The following ADAMTS12 variants were observed in gnomAD, a reference collection of about 807,000 sequenced individuals.
ADAMTS12 encodes the protein ADAM metallopeptidase with thrombospondin type 1 motif 12.
A neutral mutation model predicts 167.8 loss-of-function variants in ADAMTS12; 118 were observed. That is an observed-to-expected ratio of 0.70 (90% confidence interval 0.61 to 0.82). ADAMTS12 has a LOEUF of 0.82. Ranked by LOEUF, ADAMTS12 falls within the 40% of genes least tolerant of loss-of-function variation. ADAMTS12 has a pLI of 0.00. For synonymous variants in ADAMTS12, 704 were observed against 716.9 expected, an observed-to-expected ratio of 0.98 and a Z score of 0.29; for missense variants, 1,916 against 1,998.8, an observed-to-expected ratio of 0.96 and a Z score of 0.79.
At chr5:33,851,092 A>C (rs1749204922) in intron 2 of ADAMTS12, among the ~76,000 whole-genome samples, 1 of 152,214 alleles carries the variant, frequency 6.6e-6, no homozygotes, top group Admixed American at 6.5e-5. Flanking sequence ...TCTTAAGCCT[A>C]AATCACAGTG....
chr5:33,876,056 T>A (rs556392646), intron 2 of ADAMTS12, among the ~76,000 whole-genome samples: 38 of 152,222 alleles, frequency 2.5e-4, no homozygotes, highest in African/African-American at 7.7e-4. Context: ...ATATAAGGAC[T>A]TAGAAAATGA....
intron 2 of ADAMTS12, among the ~76,000 whole-genome samples, chr5:33,779,957 A>G (rs1253493332): frequency 2.6e-5 from 4 of 152,228 alleles, no homozygotes; most frequent in Non-Finnish European, 4.4e-5. Context: ...TGTGCATTTG[A>G]AATTTGCTAC....
rs1015020550 is a variant in ADAMTS12 at position 33,629,195 on chromosome 5, C to A, written c.2022+1585G>T. ...TGAAATTATCTTTTAGATCTAAATA[C>A]CTTTGCATTGAGAGAAATAGCATCT... On this transcript the variant is annotated intron_variant, in intron 13 of 23. Coordinates refer to ENST00000504830, the MANE Select transcript of ADAMTS12 (RefSeq NM_030955.4). Among the ~76,000 whole-genome samples, 7 of 152,040 alleles carry A rather than the reference C, an allele frequency of 4.6e-5. No individual in the cohort carries two copies. The South Asian group carries it at 1.0e-3, about 23-fold the overall frequency.
At chr5:33,791,792 G>C (rs1334763899) in intron 2 of ADAMTS12, among the ~76,000 whole-genome samples, 2 of 149,980 alleles carry the variant, frequency 1.3e-5, no homozygotes, top group Non-Finnish European at 3.0e-5. Context: ...TTGGCCTTAG[G>C]ATAGCGAAGT....
At chr5:33,659,778 A>G (rs1263023955) in intron 6 of ADAMTS12, among the ~76,000 whole-genome samples, 1 of 152,196 alleles carries the variant, frequency 6.6e-6, no homozygotes, top group Non-Finnish European at 1.5e-5. Context: ...CATCTACTGA[A>G]TGCTGTTCTG....
chr5:33,561,209 G>A (rs765100934), intron 19 of ADAMTS12, 30 bp from the exon 20 acceptor site: 95 of 1,607,304 alleles, frequency 5.9e-5, no homozygotes, highest in Non-Finnish European at 7.9e-5. Context: ...AGATGACAGA[G>A]GCTGAGTGTC....
At chr5:33,558,752 T>A (rs1432868485) in intron 20 of ADAMTS12, among the ~76,000 whole-genome samples, 1 of 152,216 alleles carries the variant, frequency 6.6e-6, no homozygotes, top group Non-Finnish European at 1.5e-5. Context: ...AAGTGGAACT[T>A]TAGGACTTGG....
intron 7 of ADAMTS12, among the ~76,000 whole-genome samples, chr5:33,655,838 T>TA (rs1336122640): frequency 6.6e-6 from 1 of 151,858 alleles, no homozygotes; most frequent in African/African-American, 2.4e-5. Context: ...CCCCAGTGTG[T>TA]GATGTTCCCC....
chr5:33,727,565 A>C (rs760127599), intron 3 of ADAMTS12, among the ~76,000 whole-genome samples: 3 of 152,214 alleles, frequency 2.0e-5, no homozygotes, highest in Non-Finnish European at 4.4e-5. Flanking sequence ...ATATTAACTC[A>C]GTTTAATTCA....
At chr5:33,771,275 TA>T (rs754489834) in intron 2 of ADAMTS12, among the ~76,000 whole-genome samples, 1 of 152,148 alleles carries the variant, frequency 6.6e-6, no homozygotes, top group Non-Finnish European at 1.5e-5. Context: ...TAGCTTAAAG[TA>T]AAAAAGGAAT....
chr5:33,773,974 CAAAAGG>C (rs1745829717), intron 2 of ADAMTS12, among the ~76,000 whole-genome samples: 2 of 152,298 alleles, frequency 1.3e-5, no homozygotes, highest in Admixed American at 6.5e-5. Context: ...GCCTCACCTA[CAAAAGG>C]TGGCACCTCC....
intron 2 of ADAMTS12, among the ~76,000 whole-genome samples, chr5:33,835,190 G>A (rs1579977014): frequency 6.6e-6 from 1 of 152,094 alleles, no homozygotes; most frequent in African/African-American, 2.4e-5. Context: ...GGTACCCAGA[G>A]CCCCAGTTCA....
rs571194340 is a variant in ADAMTS12 at position 33,708,887 on chromosome 5, T to C, written c.635-24832A>G. On this transcript the variant is annotated intron_variant, in intron 3 of 23. Coordinates refer to ENST00000504830, the MANE Select transcript of ADAMTS12 (RefSeq NM_030955.4). ...GTGCAGCAAACCACCATGGCACATG[T>C]ATACCTATATAACAAACCTGCACGT... 3.5e-4 allele frequency among the ~76,000 whole-genome samples: 53 copies of C among 152,084 alleles called. 1 individual carries two copies. In the South Asian group the frequency reaches 9.2e-3, roughly 26 times the overall value.
At chr5:33,865,520 G>T (rs1029115746) in intron 2 of ADAMTS12, among the ~76,000 whole-genome samples, 25 of 152,202 alleles carry the variant, frequency 1.6e-4, no homozygotes, top group African/African-American at 5.5e-4. Context: ...CATACTGAAG[G>T]GGGGGAAGTT....
intron 22 of ADAMTS12, among the ~76,000 whole-genome samples, chr5:33,542,205 A>G (rs1479174446): frequency 6.6e-6 from 1 of 152,202 alleles, no homozygotes; most frequent in Non-Finnish European, 1.5e-5. Context: ...CTCTGATAAA[A>G]CAGACTTTAA....
chr5:33,843,897 G>T (rs1335516742), intron 2 of ADAMTS12, among the ~76,000 whole-genome samples: 1 of 152,218 alleles, frequency 6.6e-6, no homozygotes, highest in Non-Finnish European at 1.5e-5. Context: ...TGTATTTCTT[G>T]TTGCAGGAAG....
chr5:33,818,993 T>C (rs911136475), intron 2 of ADAMTS12, among the ~76,000 whole-genome samples: 3 of 152,296 alleles, frequency 2.0e-5, no homozygotes, highest in Middle Eastern at 3.4e-3. Flanking sequence ...ATTAACCTCT[T>C]ATCAGTTATA....
intron 2 of ADAMTS12, among the ~76,000 whole-genome samples, chr5:33,773,724 C>G (rs1425430477): frequency 6.6e-6 from 1 of 152,138 alleles, no homozygotes; most frequent in Non-Finnish European, 1.5e-5. Flanking sequence ...GGAGCCTAGC[C>G]CAGCACCACA....
Position 33,526,312 on chromosome 5 carries a change from T to C in ADAMTS12, c.*876A>G, listed in dbSNP as rs988840397. ...CAGGCCTCCTGTGGGGACTGGAGGA[T>C]GGGAGGAAGTCAGCCAGGAAGACAC... On this transcript the variant is annotated 3_prime_UTR_variant, in exon 24 of 24. Transcript: ENST00000504830. 3 of 152,094 alleles carry C rather than the reference T, an allele frequency of 2.0e-5. No homozygotes were observed. Among genetic ancestry groups the C allele is most frequent in the Admixed American group, 1.3e-4 (2 of 15,260 alleles). The allele number at this position is 152,094 out of a possible 1,614,324, so 9.4% of individuals were successfully genotyped here.
Sources: gnomAD v4.1 joint callset for allele counts (sites outside exome capture counted in the v4.1 genomes callset) on GRCh38, gnomAD v4.1.1 for gene constraint, MANE v1.5 for transcripts, NCBI Gene and HGNC (gene_info 2026-07-23, HGNC 2026-07-21) for gene names.